The following RAB3GAP2 variants were observed in gnomAD, a reference collection of about 807,000 sequenced individuals.
RAB3GAP2 encodes rab3 GTPase-activating protein non-catalytic subunit.
RAB3GAP2 carries 87 observed loss-of-function variants against 185.3 expected under a neutral mutation model. The ratio of observed to expected loss-of-function variants is 0.47; its 90% CI spans 0.39 to 0.56. RAB3GAP2 has a LOEUF of 0.56. Ranked by LOEUF, RAB3GAP2 falls within the 20% of genes least tolerant of loss-of-function variation. The probability of loss-of-function intolerance (pLI) is 0.00; values close to 1 mark genes in which losing one functional copy is unlikely to be tolerated. For missense variants in RAB3GAP2, 1,492 were observed against 1,638.2 expected, an observed-to-expected ratio of 0.91 and a Z score of 1.54; for synonymous variants, 554 against 576.1, an observed-to-expected ratio of 0.96 and a Z score of 0.55.
chr1:220,194,723 GTACTTTTAAAGTT>G (rs1463402023), intron 12 of RAB3GAP2, among the ~76,000 whole-genome samples: 1 of 152,120 alleles, frequency 6.6e-6, no homozygotes, highest in Non-Finnish European at 1.5e-5. Flanking sequence ...AAATCACTAA[GTACTTTTAAAGTT>G]TATACAACTT....
At chr1:220,203,223 TCA>T (rs1168664872) in intron 8 of RAB3GAP2, among the ~76,000 whole-genome samples, 1 of 152,184 alleles carries the variant, frequency 6.6e-6, no homozygotes, top group Non-Finnish European at 1.5e-5. Context: ...CTCAGTCCCT[TCA>T]CCTAGTGAGT....
chr1:220,245,077 A>G (rs1205714326), intron 1 of RAB3GAP2, among the ~76,000 whole-genome samples: 2 of 152,208 alleles, frequency 1.3e-5, no homozygotes, highest in Non-Finnish European at 2.9e-5. Flanking sequence ...TGCATCTGTC[A>G]AAGGACTAGC....
rs769815359 is a variant in RAB3GAP2 at position 220,182,802 on chromosome 1, C to T, written c.2128G>A (p.Val710Ile). 3.1e-6 allele frequency: 5 copies of T among 1,613,252 alleles called. No homozygotes were observed. In the South Asian group the frequency reaches 5.5e-5, roughly 18 times the overall value. The change falls in exon 20 of 35, where the codon GTA becomes ATA. Residue 710 changes from valine (V) to isoleucine (I), a missense_variant. Coordinates refer to ENST00000358951, the MANE Select transcript of RAB3GAP2 (RefSeq NM_012414.4). The stretch of plus-strand genomic sequence containing the variant: ...TCTAAATATTCCAAGAATGTTTTTA[C>T]AGGCAACACACCATCTTTATCATCA... ...FSDDKDGVLP[V>I]KTFLEYLEYE... is the part of the protein sequence containing the mutation.
At chr1:220,229,409 A>G (rs1659458573) in intron 2 of RAB3GAP2, among the ~76,000 whole-genome samples, 1 of 152,204 alleles carries the variant, frequency 6.6e-6, no homozygotes, top group Non-Finnish European at 1.5e-5. Context: ...GCCTTATATC[A>G]GGCCTACTTG....
At chr1:220,220,962 G>A (rs1659294794) in intron 2 of RAB3GAP2, among the ~76,000 whole-genome samples, 5 of 152,168 alleles carry the variant, frequency 3.3e-5, no homozygotes, top group Admixed American at 1.3e-4. Flanking sequence ...ACTGGCCTAC[G>A]TGGAGAGAGC....
chr1:220,179,901 C>T (rs1212939258), intron 21 of RAB3GAP2, among the ~76,000 whole-genome samples: 3 of 152,124 alleles, frequency 2.0e-5, no homozygotes, highest in Non-Finnish European at 4.4e-5. Flanking sequence ...CGGTGGCTCA[C>T]GCCTGTAATC....
At position 220,151,105 on chromosome 1, in the gene RAB3GAP2, A is replaced by C; in HGVS notation, c.*146T>G. The C allele has an allele frequency of 1.2e-6, 1 of 825,014 alleles. No homozygotes were observed. The highest frequency in any genetic ancestry group is 1.9e-6 in the Non-Finnish European group (1 of 540,368). 51.1% of individuals were successfully genotyped at this position (825,014 alleles called of 1,614,324 possible). A position where few individuals can be genotyped will look rare whatever the true frequency, so the allele number is the denominator to read the frequency against. ...GAATTTAGCCAGGGTTGCACTTTTT[A>C]AAAGTTGTATATACTTTTATTTATT... On this transcript the variant is annotated 3_prime_UTR_variant, in exon 35 of 35. Transcript: ENST00000358951.
intron 4 of RAB3GAP2, 95 bp from the exon 5 acceptor site, chr1:220,211,097 A>G (rs1659078024): frequency 8.1e-7 from 1 of 1,241,482 alleles, no homozygotes; most frequent in Non-Finnish European, 1.2e-6. Flanking sequence ...TAACTGGAAG[A>G]TGACTTCTGT....
At chr1:220,235,630 G>C (rs1008812002) in intron 1 of RAB3GAP2, among the ~76,000 whole-genome samples, 1 of 152,148 alleles carries the variant, frequency 6.6e-6, no homozygotes, top group Admixed American at 6.5e-5. Context: ...CCTTCAAAGA[G>C]CTTAGTTTGT....
At chr1:220,161,296 G>A (rs1657959156) in intron 28 of RAB3GAP2, among the ~76,000 whole-genome samples, 2 of 152,118 alleles carry the variant, frequency 1.3e-5, no homozygotes, top group South Asian at 4.1e-4. Flanking sequence ...CTTGGCTGTG[G>A]TGCTATTCAT....
intron 1 of RAB3GAP2, among the ~76,000 whole-genome samples, chr1:220,265,471 C>G (rs138891678): frequency 6.6e-6 from 1 of 151,808 alleles, no homozygotes; most frequent in African/African-American, 2.4e-5. Flanking sequence ...CTGGCTCTCC[C>G]TCTCTATTCA....
Position 220,191,112 on chromosome 1 carries a change from C to T in RAB3GAP2, c.1443G>A (p.Gln481=), listed in dbSNP as rs745969899. 2 of 1,614,050 alleles carry T rather than the reference C, an allele frequency of 1.2e-6. No homozygotes were observed. The highest frequency in any genetic ancestry group is 1.7e-6 in the Non-Finnish European group (2 of 1,179,970). Residue 481 remains glutamine (Q), a synonymous_variant, in exon 14 of 35, where the codon CAG becomes CAA. Transcript: ENST00000358951. ...TGAAAGCTCCTACTCTAGGTCCCTG[C>T]TGTGTGCTCCACACTTCTAAAATTC... ...RRGILEVWST[Q]QGPRVGAFNV...
intron 17 of RAB3GAP2, among the ~76,000 whole-genome samples, chr1:220,188,608 T>C (rs1000853137): frequency 2.0e-5 from 3 of 152,162 alleles, no homozygotes; most frequent in African/African-American, 7.2e-5. Flanking sequence ...GAATATAAAT[T>C]AGTACAACTA....
At chr1:220,183,935 T>TA (rs1265138052) in intron 19 of RAB3GAP2, 101 bp downstream of exon 19, 33 of 1,056,256 alleles carry the variant, frequency 3.1e-5, no homozygotes, top group East Asian at 5.5e-5. Flanking sequence ...TTTAAAGCTT[T>TA]AAAAAAAATT....
chr1:220,204,812 C>T (rs1224049169), intron 8 of RAB3GAP2, among the ~76,000 whole-genome samples: 1 of 147,392 alleles, frequency 6.8e-6, no homozygotes, highest in African/African-American at 2.5e-5. Flanking sequence ...GTTCAATTCC[C>T]ACCTATGAGT....
intron 2 of RAB3GAP2, among the ~76,000 whole-genome samples, chr1:220,219,000 TAA>T (rs1659252681): frequency 1.3e-5 from 2 of 152,344 alleles, no homozygotes; most frequent in African/African-American, 2.4e-5. Context: ...CTTAAAATTA[TAA>T]AGAGGTAAAA....
intron 1 of RAB3GAP2, among the ~76,000 whole-genome samples, chr1:220,248,686 T>G (rs75962436): frequency 1.3e-5 from 2 of 152,106 alleles, no homozygotes; most frequent in African/African-American, 4.8e-5. Context: ...AGACTTTTTT[T>G]GAAAGAAAAG....
Position 220,246,642 on chromosome 1 carries a change from T to C in RAB3GAP2, c.116-13779A>G, listed in dbSNP as rs371580320. On this transcript the variant is annotated intron_variant, in intron 1 of 34. Coordinates refer to ENST00000358951, the MANE Select transcript of RAB3GAP2 (RefSeq NM_012414.4). ...GTAGGGACATGGATGAAATTGGAAA[T>C]CATCATTCTCAGTAAACTATCGCAA... 6.3e-3 allele frequency among the ~76,000 whole-genome samples: 731 copies of C among 116,934 alleles called. 5 individuals carry two copies. Among genetic ancestry groups the C allele is most frequent in the Middle Eastern group, 0.03 (8 of 264 alleles). 76.7% of individuals were successfully genotyped at this position (116,934 alleles called of 152,430 possible).
chr1:220,222,010 T>G (rs1659314861), intron 2 of RAB3GAP2, among the ~76,000 whole-genome samples: 1 of 152,214 alleles, frequency 6.6e-6, no homozygotes, highest in Admixed American at 6.5e-5. Context: ...TTCACAGATA[T>G]TTACACATTT....
Sources: gnomAD v4.1 joint callset for allele counts (sites outside exome capture counted in the v4.1 genomes callset) on GRCh38, gnomAD v4.1.1 for gene constraint, MANE v1.5 for transcripts, NCBI Gene and HGNC (gene_info 2026-07-23, HGNC 2026-07-21) for gene names.